UBE2U: variants seen among roughly 807,000 people sequenced by gnomAD.
UBE2U encodes ubiquitin-conjugating enzyme E2 U.
In UBE2U, 39 loss-of-function variants were observed where a neutral mutation model predicts 41.2. The observed-to-expected ratio is 0.95, with a 90% CI of 0.73 to 1.24. UBE2U has a LOEUF of 1.24. UBE2U is among the 50% of genes most tolerant of loss of function. The probability of loss-of-function intolerance (pLI) is 0.00; values close to 1 mark genes in which losing one functional copy is unlikely to be tolerated. For missense variants in UBE2U, 336 were observed against 363.1 expected (o/e 0.93, Z 0.61); for synonymous variants, 107 against 117.8 (o/e 0.91, Z 0.60).
intron 9 of UBE2U, 48 bp downstream of exon 9, chr1:64,260,742 T>C (rs894381915): frequency 5.0e-6 from 7 of 1,396,132 alleles, no homozygotes; most frequent in Middle Eastern, 1.8e-4. Context: ...TAACATATTA[T>C]GCATAATATG....
intron 4 of UBE2U, among the ~76,000 whole-genome samples, chr1:64,214,111 A>G (rs1651828289): frequency 6.6e-6 from 1 of 152,166 alleles, no homozygotes; most frequent in Non-Finnish European, 1.5e-5. Flanking sequence ...AGTAACTTCC[A>G]TATGGTTATA....
At chr1:64,262,553 T>C (rs929771502) in intron 9 of UBE2U, among the ~76,000 whole-genome samples, 10 of 152,152 alleles carry the variant, frequency 6.6e-5, no homozygotes, top group African/African-American at 1.9e-4. Context: ...GCTGGGTATA[T>C]GTGGGAGGCC....
rs76574247 is a variant in UBE2U at position 64,266,610 on chromosome 1, C to T, written c.770-414C>T. Among the ~76,000 whole-genome samples the T allele has an allele frequency of 1.1e-3, 173 of 152,294 alleles. 1 individual carries two copies. The highest frequency in any genetic ancestry group is 2.8e-3 in the Admixed American group (43 of 15,304). Reference sequence around the variant, plus strand: ...GTCCTCTCATACCTTTGTGCTTATACGATGTGTGCTGTTTCTTCTATCTAA... The same window carrying T: ...GTCCTCTCATACCTTTGTGCTTATATGATGTGTGCTGTTTCTTCTATCTAA... On this transcript the variant is annotated intron_variant, in intron 9 of 9. Transcript: ENST00000371077.
intron 9 of UBE2U, among the ~76,000 whole-genome samples, chr1:64,262,478 G>A (rs1208281705): frequency 6.6e-6 from 1 of 152,144 alleles, no homozygotes; most frequent in African/African-American, 2.4e-5. Context: ...CTGCTTCCCA[G>A]CCCAGTGAGG....
At chr1:64,208,557 T>C (rs1266116353) in intron 3 of UBE2U, among the ~76,000 whole-genome samples, 2 of 126,850 alleles carry the variant, frequency 1.6e-5, no homozygotes, top group African/African-American at 3.0e-5. Flanking sequence ...TGAGCCATGA[T>C]TGTGCCATTG....
intron 1 of UBE2U, among the ~76,000 whole-genome samples, chr1:64,204,433 A>G (rs1328796473): frequency 6.6e-6 from 1 of 152,180 alleles, no homozygotes; most frequent in Non-Finnish European, 1.5e-5. Flanking sequence ...TTATAATACT[A>G]TACAATAAGT....
chr1:64,248,751 G>A (rs1644961256), intron 8 of UBE2U, among the ~76,000 whole-genome samples: 1 of 152,090 alleles, frequency 6.6e-6, no homozygotes, highest in Non-Finnish European at 1.5e-5. Flanking sequence ...TGTCAATAGG[G>A]AAGAAAAGGT....
At chr1:64,244,690 G>T (rs1644891792) in intron 8 of UBE2U, among the ~76,000 whole-genome samples, 1 of 152,092 alleles carries the variant, frequency 6.6e-6, no homozygotes, top group Non-Finnish European at 1.5e-5. Context: ...GACAAGCTCA[G>T]GCATTCACAG....
At chr1:64,246,803 G>C (rs1644928973) in intron 8 of UBE2U, among the ~76,000 whole-genome samples, 1 of 152,172 alleles carries the variant, frequency 6.6e-6, no homozygotes, top group Non-Finnish European at 1.5e-5. Context: ...ATTTCATAAA[G>C]AAGATGTGCA....
intron 3 of UBE2U, among the ~76,000 whole-genome samples, chr1:64,207,609 T>A (rs898717444): frequency 1.3e-5 from 2 of 152,220 alleles, no homozygotes; most frequent in Non-Finnish European, 2.9e-5. Context: ...ACTGGACAGA[T>A]TAACTTTTTT....
intron 6 of UBE2U, among the ~76,000 whole-genome samples, chr1:64,222,299 T>C (rs1208288922): frequency 6.6e-6 from 1 of 152,108 alleles, no homozygotes; most frequent in Admixed American, 6.5e-5. Context: ...ATAAAGGTGG[T>C]TTTATCACCT....
intron 7 of UBE2U, among the ~76,000 whole-genome samples, chr1:64,236,385 T>C (rs1644667736): frequency 6.6e-6 from 1 of 152,194 alleles, no homozygotes; most frequent in Admixed American, 6.5e-5. Flanking sequence ...AGATTTAAAT[T>C]CAAACTCGGA....
intron 7 of UBE2U, among the ~76,000 whole-genome samples, chr1:64,235,448 T>C (rs1049606679): frequency 4.1e-4 from 63 of 152,360 alleles, no homozygotes; most frequent in African/African-American, 1.5e-3. Context: ...ATTTTATCTT[T>C]TGATAGTTCA....
intron 8 of UBE2U, among the ~76,000 whole-genome samples, chr1:64,248,970 A>G (rs1644963915): frequency 6.6e-6 from 1 of 152,204 alleles, no homozygotes; most frequent in Admixed American, 6.5e-5. Flanking sequence ...ACTGATTTTC[A>G]CAAAAAACTG....
rs942767938 is a variant in UBE2U at position 64,224,697 on chromosome 1, T to G, written c.506+3790T>G. On this transcript the variant is annotated intron_variant, in intron 6 of 9. Coordinates refer to ENST00000371077, the MANE Select transcript of UBE2U (RefSeq NM_001366232.2). ...GAGATTGCGCCATTGCACTCCAGCCTGGGCAACAGAGCGAGACTCTGTGTC... is the reference window on the plus strand; with the variant it reads ...GAGATTGCGCCATTGCACTCCAGCCGGGGCAACAGAGCGAGACTCTGTGTC... 8.9e-4 allele frequency among the ~76,000 whole-genome samples: 133 copies of G among 148,788 alleles called. 3 individuals are homozygous for G. Among genetic ancestry groups the G allele is most frequent in the Non-Finnish European group, 2.1e-4 (14 of 67,576 alleles).
At chr1:64,214,215 C>T (rs758460481) in intron 4 of UBE2U, among the ~76,000 whole-genome samples, 2 of 152,112 alleles carry the variant, frequency 1.3e-5, no homozygotes, top group Non-Finnish European at 2.9e-5. Flanking sequence ...TATATCTCAC[C>T]GTTCAATACA....
At chr1:64,265,102 T>G (rs1429329754) in intron 9 of UBE2U, among the ~76,000 whole-genome samples, 1 of 152,182 alleles carries the variant, frequency 6.6e-6, no homozygotes, top group Non-Finnish European at 1.5e-5. Flanking sequence ...CCCCTGGATG[T>G]TGCTGTGTCC....
At chr1:64,220,243 A>G (rs554487460) in intron 5 of UBE2U, among the ~76,000 whole-genome samples, 27 of 148,194 alleles carry the variant, frequency 1.8e-4, no homozygotes, top group African/African-American at 4.3e-4. Flanking sequence ...AGGCTTGTGG[A>G]GAGAGAGAGA....
intron 6 of UBE2U, among the ~76,000 whole-genome samples, chr1:64,223,924 T>C (rs938883184): frequency 2.0e-5 from 3 of 152,046 alleles, no homozygotes; most frequent in Non-Finnish European, 4.4e-5. Flanking sequence ...GGAATGCATT[T>C]TGACAACCTA....
Sources: gnomAD v4.1 joint callset for allele counts (sites outside exome capture counted in the v4.1 genomes callset) on GRCh38, gnomAD v4.1.1 for gene constraint, MANE v1.5 for transcripts, NCBI Gene and HGNC (gene_info 2026-07-23, HGNC 2026-07-21) for gene names.